CAMK2A: variants seen among roughly 807,000 people sequenced by gnomAD.
CAMK2A encodes calcium/calmodulin dependent protein kinase II alpha, also known as calcium/calmodulin-dependent protein kinase type II subunit alpha.
Under a neutral mutation model 79.2 loss-of-function variants are expected in CAMK2A, and 7 were observed. The ratio of observed to expected loss-of-function variants is 0.09; its 90% confidence interval spans 0.05 to 0.17. The LOEUF (loss-of-function observed/expected upper bound fraction) is 0.17. CAMK2A is among the 10% of genes least tolerant of loss of function. CAMK2A has a pLI of 1.00. For missense variants in CAMK2A, 214 were observed against 646.4 expected (o/e 0.33, Z 7.25); for synonymous variants, 242 against 251.7 (o/e 0.96, Z 0.36).
rs57886187 is a variant in CAMK2A, at chr5:150,287,937, CTGTGTGTGTGTG to C, written c.62+1615_62+1626del. 3.3e-4 allele frequency among the ~76,000 whole-genome samples: 46 copies of C among 140,876 alleles called. 1 individual carries two copies. Among genetic ancestry groups the C allele is most frequent in the South Asian group, 2.2e-3 (9 of 4,140 alleles). The allele number at this position is 140,876 out of a possible 152,430, so 92.4% of individuals were successfully genotyped here. On this transcript the variant is annotated intron_variant, in intron 1 of 18. Transcript: ENST00000671881. ...GTGGTGCATGCCTGTAGGATAGCCT[CTGTGTGTGTGTG>C]TGTGTGTGTGTGTGTGTGTGTGTGT...
intron 2 of CAMK2A, among the ~76,000 whole-genome samples, chr5:150,267,654 GT>G (rs1440783764): frequency 6.6e-6 from 1 of 152,100 alleles, no homozygotes; most frequent in Non-Finnish European, 1.5e-5. Context: ...TGTTTGCAGT[GT>G]TTTCATTTTC....
At chr5:150,270,069 C>T (rs990396662) in intron 2 of CAMK2A, among the ~76,000 whole-genome samples, 4 of 152,206 alleles carry the variant, frequency 2.6e-5, no homozygotes, top group Non-Finnish European at 5.9e-5. Context: ...GTGCCCAATG[C>T]GCCCTTAGAA....
intron 7 of CAMK2A, among the ~76,000 whole-genome samples, chr5:150,252,352 TG>T (rs1214641692): frequency 8.5e-5 from 13 of 152,150 alleles, no homozygotes; most frequent in African/African-American, 3.1e-4. Flanking sequence ...TCCTTCCTAC[TG>T]GGTCCTGACT....
chr5:150,244,757 G>A (rs1755488501), intron 13 of CAMK2A, among the ~76,000 whole-genome samples: 1 of 152,146 alleles, frequency 6.6e-6, no homozygotes, highest in Admixed American at 6.5e-5. Context: ...GCGGGGCAGG[G>A]GCCCGATCCA....
chr5:150,240,733 C>A (rs1163636668), intron 13 of CAMK2A, among the ~76,000 whole-genome samples: 1 of 152,226 alleles, frequency 6.6e-6, no homozygotes, highest in Admixed American at 6.5e-5. Context: ...TCGCGGCAAG[C>A]CACTAGCAGA....
intron 7 of CAMK2A, among the ~76,000 whole-genome samples, chr5:150,252,730 G>T (rs1402608678): frequency 6.6e-6 from 1 of 152,186 alleles, no homozygotes; most frequent in African/African-American, 2.4e-5. Flanking sequence ...TAAGCATTGG[G>T]CTGAGCACTT....
chr5:150,258,959 C>T (rs1034233547), intron 3 of CAMK2A, among the ~76,000 whole-genome samples: 34 of 152,014 alleles, frequency 2.2e-4, no homozygotes, highest in African/African-American at 7.2e-4. Flanking sequence ...GCAGGTGGAT[C>T]GCCTGAGGTC....
chr5:150,266,482 ACT>A (rs575977549), intron 2 of CAMK2A, among the ~76,000 whole-genome samples: 1 of 152,088 alleles, frequency 6.6e-6, no homozygotes, highest in Non-Finnish European at 1.5e-5. Context: ...CTTTTTAAAA[ACT>A]CTGTGCCAAG....
chr5:150,249,267 G>T (rs1038792603), intron 11 of CAMK2A, among the ~76,000 whole-genome samples: 3 of 152,256 alleles, frequency 2.0e-5, no homozygotes, highest in Admixed American at 2.0e-4. Flanking sequence ...TCACCACCCT[G>T]AGAGCACACA....
intron 3 of CAMK2A, among the ~76,000 whole-genome samples, chr5:150,259,879 G>C (rs1253197273): frequency 6.6e-6 from 1 of 152,076 alleles, no homozygotes; most frequent in Non-Finnish European, 1.5e-5. Flanking sequence ...TGAGGCAGGA[G>C]AATTGCTTGA....
chr5:150,232,924 T>C (rs1754906753), intron 15 of CAMK2A, among the ~76,000 whole-genome samples: 1 of 152,214 alleles, frequency 6.6e-6, no homozygotes, highest in African/African-American at 2.4e-5. Flanking sequence ...CCCAAGGACA[T>C]GGCACATACC....
intron 2 of CAMK2A, among the ~76,000 whole-genome samples, chr5:150,272,331 G>A (rs565162627): frequency 5.2e-4 from 79 of 152,300 alleles, no homozygotes; most frequent in Admixed American, 8.5e-4. Flanking sequence ...TTGGGAGGCC[G>A]AGGCAGACAG....
chr5:150,284,137 CAGAGACAGAGGCAGAGTGAGACCAG>C lies in CAMK2A; in HGVS notation c.62+5402_62+5426del, dbSNP rs1222325304. On this transcript the variant is annotated intron_variant, in intron 1 of 18. Coordinates refer to ENST00000671881, the MANE Select transcript of CAMK2A (RefSeq NM_015981.4). The surrounding 1 kb of genome is among the most constrained non-coding windows in gnomAD (Gnocchi z 5.3). ...AGAAGGGGACTGCAGCAAAGAGGGA[CAGAGACAGAGGCAGAGTGAGACCAG>C]AGAGACAGAGACAGAGTGAGACCAG... 6.6e-6 allele frequency among the ~76,000 whole-genome samples: 1 copy of C among 152,104 alleles called. No homozygotes were observed. Among genetic ancestry groups the C allele is most frequent in the African/African-American group, 2.4e-5 (1 of 41,388 alleles).
rs1279296830 is a variant in CAMK2A at position 150,238,707 on chromosome 5, G to A, written c.1059C>T (p.Asp353=). 2 of 1,606,986 alleles carry A rather than the reference G, an allele frequency of 1.2e-6. No homozygotes were observed. The highest frequency in any genetic ancestry group is 1.6e-4 in the Middle Eastern group (1 of 6,082). The change falls in exon 15 of 19, where the codon GAC becomes GAT. Residue 353 remains aspartate (D), a synonymous_variant. Coordinates refer to ENST00000671881, the MANE Select transcript of CAMK2A (RefSeq NM_015981.4). ...ESTNTTIEDE[D]TKVRKQEIIK... is the part of the protein sequence containing the mutation. ...CTGAAGGCCCCTCCCTACCTTTGGT[G>A]TCTTCATCCTCGATGGTGGTGTTGG...
intron 12 of CAMK2A, 135 bp downstream of exon 12, chr5:150,247,637 C>G: frequency 1.5e-6 from 1 of 672,004 alleles, no homozygotes; most frequent in East Asian, 2.7e-5. Context: ...GTGAGCTAAG[C>G]CCTTAGTCAC....
In CAMK2A at chr5:150,239,841, G is replaced by A. The variant is rs996563170; in HGVS notation, c.985-105C>T. The A allele has an allele frequency of 1.4e-5, 13 of 923,330 alleles. No individual in the cohort carries two copies. In the Admixed American group the frequency reaches 2.3e-4, roughly 16 times the overall value. The allele number at this position is 923,330 out of a possible 1,614,324, so 57.2% of individuals were successfully genotyped here. On this transcript the variant is annotated intron_variant, in intron 13 of 18. Coordinates refer to ENST00000671881, the MANE Select transcript of CAMK2A (RefSeq NM_015981.4). ...GTTTGGGAGGAGGATGGGCCTCGGG[G>A]TCATCCTCTGTAGTCCTTTGTCGGC... is the stretch of plus-strand genomic sequence containing the variant.
At chr5:150,266,823 AC>A (rs1756532850) in intron 2 of CAMK2A, among the ~76,000 whole-genome samples, 1 of 152,000 alleles carries the variant, frequency 6.6e-6, no homozygotes, top group Non-Finnish European at 1.5e-5. Flanking sequence ...CAACACTAGA[AC>A]CCTGGCCCTG....
chr5:150,228,043 G>T, intron 17 of CAMK2A, 149 bp downstream of exon 17: 1 of 624,322 alleles, frequency 1.6e-6, no homozygotes. Flanking sequence ...AGGGAACCAA[G>T]AGGGTACCAA....
At chr5:150,280,975 G>A (rs1757190127) in intron 1 of CAMK2A, among the ~76,000 whole-genome samples, 1 of 152,174 alleles carries the variant, frequency 6.6e-6, no homozygotes, top group South Asian at 2.1e-4. Context: ...TCTGTGCATT[G>A]TTCTGGGCAA....
Sources: allele counts gnomAD v4.1 joint callset (sites outside exome capture counted in the v4.1 genomes callset), GRCh38; gene constraint gnomAD v4.1.1; non-coding constraint Gnocchi (gnomAD v3.1); transcripts MANE v1.5; gene names NCBI Gene and HGNC (gene_info 2026-07-23, HGNC 2026-07-21).